LDLRAD2: variants seen among roughly 807,000 people sequenced by gnomAD.
The protein encoded by LDLRAD2 is low density lipoprotein receptor class A domain containing 2.
In LDLRAD2, 25 loss-of-function variants were observed where a neutral mutation model predicts 24.9. The observed-to-expected ratio is 1.00, with a 90% CI of 0.73 to 1.40. The LOEUF is 1.40. LDLRAD2 is among the 40% of genes most tolerant of loss of function. LDLRAD2 has a pLI of 0.00. For missense variants in LDLRAD2, 391 were observed against 366.2 expected (o/e 1.07, Z -0.55); for synonymous variants, 182 against 166.7 (o/e 1.09, Z -0.71).
rs1399527230 is a variant in LDLRAD2, at chr1:21,824,002, C to T, written c.*1787C>T. The T allele has an allele frequency of 9.4e-7, 1 of 1,061,988 alleles. No homozygotes were observed. The highest frequency in any genetic ancestry group is 1.6e-5 in the African/African-American group (1 of 63,734). 65.8% of individuals were successfully genotyped at this position (1,061,988 alleles called of 1,614,324 possible). A position where few individuals can be genotyped will look rare whatever the true frequency, so the allele number is the denominator to read the frequency against. ...CCTGGCTGGTGGGTTCTCCCCTCCC[C>T]TGGCTTCAAGTTCTGTCTCCACAGA... On this transcript the variant is annotated 3_prime_UTR_variant, in exon 5 of 5. Coordinates refer to ENST00000344642, the MANE Select transcript of LDLRAD2 (RefSeq NM_001013693.3). The surrounding 1 kb of genome is among the most constrained non-coding windows in gnomAD (Gnocchi z 5.9).
Position 21,822,300 on chromosome 1 carries a change from C to A in LDLRAD2, c.*85C>A. The A allele has an allele frequency of 7.1e-7, 1 of 1,415,994 alleles. No homozygotes were observed. Among genetic ancestry groups the A allele is most frequent in the South Asian group, 1.2e-5 (1 of 86,480 alleles). 87.7% of individuals were successfully genotyped at this position (1,415,994 alleles called of 1,614,324 possible). ...TCAAGACAAAGACCACAGGAGGGTC[C>A]CTTCTAGGACACAGAGGCCAGGCGT... On this transcript the variant is annotated 3_prime_UTR_variant, in exon 5 of 5. Transcript: ENST00000344642.
In LDLRAD2 at chr1:21,814,557, G is replaced by T. The variant is rs1345449019; in HGVS notation, c.245G>T (p.Arg82Leu). 6.2e-6 allele frequency: 10 copies of T among 1,612,286 alleles called. No individual in the cohort carries two copies. The highest frequency in any genetic ancestry group is 8.5e-6 in the Non-Finnish European group (10 of 1,179,548). The change falls in exon 2 of 5, where the codon CGC (arginine) becomes CTC (leucine). Residue 82 changes from arginine to leucine, a missense_variant. Coordinates refer to ENST00000344642, the MANE Select transcript of LDLRAD2 (RefSeq NM_001013693.3). ...APGDRIRFQF[R>L]FFLVYSLTPA... ...GGCGACCGGATCCGCTTCCAGTTCCGCTTCTTCCTGGTCTACAGCCTGACC... is the reference window on the plus strand; with the variant it reads ...GGCGACCGGATCCGCTTCCAGTTCCTCTTCTTCCTGGTCTACAGCCTGACC...
intron 3 of LDLRAD2, 49 bp from the exon 4 acceptor site, chr1:21,821,401 C>G (rs1334189382): frequency 6.2e-7 from 1 of 1,605,624 alleles, no homozygotes; most frequent in African/African-American, 1.3e-5. Context: ...ACACAAGTGT[C>G]CCAGAAAGGG....
intron 3 of LDLRAD2, among the ~76,000 whole-genome samples, chr1:21,818,263 T>C (rs7547375): frequency 0.73 from 110,032 of 150,214 alleles, 40,721 homozygotes; most frequent in East Asian, 0.89. Context: ...CCACCCGCCT[T>C]GGCCTCCCAA....
intron 3 of LDLRAD2, among the ~76,000 whole-genome samples, chr1:21,819,339 C>T (rs2097947668): frequency 6.6e-6 from 1 of 151,904 alleles, no homozygotes; most frequent in Non-Finnish European, 1.5e-5. Flanking sequence ...CACGGTTGCA[C>T]TCCAGCTTGA....
chr1:21,824,171 G>T lies in LDLRAD2; in HGVS notation c.*1956G>T. 1 of 1,613,750 alleles carries T rather than the reference G, an allele frequency of 6.2e-7. No individual in the cohort carries two copies. Among genetic ancestry groups the T allele is most frequent in the Non-Finnish European group, 8.5e-7 (1 of 1,180,030 alleles). On this transcript the variant is annotated 3_prime_UTR_variant, in exon 5 of 5. Transcript: ENST00000344642. The surrounding 1 kb of genome is among the most constrained non-coding windows in gnomAD (Gnocchi z 5.9). Reference sequence around the variant, plus strand: ...CGCCGTCATTGATGGGGTCCTCAGAGACCAGGCGGGCCTCCCCACTACCCA... The same window carrying T: ...CGCCGTCATTGATGGGGTCCTCAGATACCAGGCGGGCCTCCCCACTACCCA...
In LDLRAD2 at chr1:21,822,493, T is replaced by A; in HGVS notation, c.*278T>A. ...TCTTCCTGAGCACCAGCGGCATCCG[T>A]CCGTCCGTTGTCTGTTGGAGGAGTC... On this transcript the variant is annotated 3_prime_UTR_variant, in exon 5 of 5. Transcript: ENST00000344642. The A allele has an allele frequency of 2.6e-6, 1 of 391,430 alleles. No homozygotes were observed. The highest frequency in any genetic ancestry group is 5.2e-5 in the East Asian group (1 of 19,054). 24.2% of individuals were successfully genotyped at this position (391,430 alleles called of 1,614,324 possible). A position where few individuals can be genotyped will look rare whatever the true frequency, so the allele number is the denominator to read the frequency against.
At chr1:21,816,634 G>T (rs1232641320) in intron 3 of LDLRAD2, among the ~76,000 whole-genome samples, 1 of 152,050 alleles carries the variant, frequency 6.6e-6, no homozygotes, top group Non-Finnish European at 1.5e-5. Context: ...CCTTCCTGGG[G>T]ATCTAAAGAT....
chr1:21,819,773 C>G (rs1194491678), intron 3 of LDLRAD2, among the ~76,000 whole-genome samples: 1 of 152,012 alleles, frequency 6.6e-6, no homozygotes, highest in Non-Finnish European at 1.5e-5. Context: ...TCTCGCATTG[C>G]TATAAAAAAA....
At chr1:21,818,251 A>AT (rs1386072727) in intron 3 of LDLRAD2, among the ~76,000 whole-genome samples, 19 of 150,490 alleles carry the variant, frequency 1.3e-4, no homozygotes, top group Non-Finnish European at 2.5e-4. Context: ...ACCTCAAGTG[A>AT]TCCACCCGCC....
chr1:21,814,735 C>T lies in LDLRAD2; in HGVS notation c.423C>T (p.Ser141=). The change falls in exon 2 of 5, where the codon TCC becomes TCT. Residue 141 remains serine, a synonymous_variant. Coordinates refer to ENST00000344642, the MANE Select transcript of LDLRAD2 (RefSeq NM_001013693.3). ...CGLNIPVPVA[S]SGPFLGLRLV... ...TGAACATCCCGGTGCCTGTGGCATC[C>T]TCCGGACCCTTTCTAGGCCTGCGCC... is the stretch of plus-strand genomic sequence containing the variant. 6.5e-7 allele frequency: 1 copy of T among 1,548,706 alleles called. No homozygotes were observed. Among genetic ancestry groups the T allele is most frequent in the Non-Finnish European group, 8.7e-7 (1 of 1,149,430 alleles).
Position 21,823,637 on chromosome 1 carries a change from C to T in LDLRAD2, c.*1422C>T, listed in dbSNP as rs114015043. ...TTACCGATGTAGACGCTGCCCTTGGCGTTGACTGCCACGTTGGGACCTGGG... is the reference window on the plus strand; with the variant it reads ...TTACCGATGTAGACGCTGCCCTTGGTGTTGACTGCCACGTTGGGACCTGGG... On this transcript the variant is annotated 3_prime_UTR_variant, in exon 5 of 5. Transcript: ENST00000344642. 3.5e-3 allele frequency: 5,599 copies of T among 1,613,698 alleles called. 15 individuals carry two copies. The highest frequency in any genetic ancestry group is 4.4e-3 in the Non-Finnish European group (5,236 of 1,179,854).
rs773250058 is a variant in LDLRAD2, at chr1:21,823,566, T to C, written c.*1351T>C. ...AGGAAGGCTGGGCGAGCTCTAGCCC[T>C]AAGGGAGTGCCGTTCCTGCCCCTGC... On this transcript the variant is annotated 3_prime_UTR_variant, in exon 5 of 5. Transcript: ENST00000344642. 4.6e-5 allele frequency: 74 copies of C among 1,609,496 alleles called. No individual in the cohort carries two copies. In the South Asian group the frequency reaches 7.8e-4, roughly 17 times the overall value.
In LDLRAD2 at chr1:21,812,473, C is replaced by T. The variant is rs762427414; in HGVS notation, c.22C>T (p.Gln8Ter). 1.7e-5 allele frequency: 28 copies of T among 1,613,926 alleles called. No homozygotes were observed. The South Asian group carries it at 2.9e-4, about 16-fold the overall frequency. Residue 8 changes from glutamine to a stop codon, truncating the protein, a stop_gained, in exon 1 of 5, where the codon CAG (glutamine) becomes TAG (stop). Coordinates refer to ENST00000344642, the MANE Select transcript of LDLRAD2 (RefSeq NM_001013693.3). LOFTEE classifies it high-confidence loss of function. ...CTGGATGGAGGCTTGTTGTCTTCTG[C>T]AGTTGCCCCAAAGGTTGCTCTTGCT... MEACCLL[Q>*]LPQRLLLLGA... is the part of the protein sequence containing the mutation.
rs144217842 is a variant in LDLRAD2 at position 21,824,134 on chromosome 1, C to T, written c.*1919C>T. ...AGGGTCCCTTACCGCAGTGCTGTCACCCGGTGCCACTCGCCGTCATTGATG... is the reference window on the plus strand; with the variant it reads ...AGGGTCCCTTACCGCAGTGCTGTCATCCGGTGCCACTCGCCGTCATTGATG... On this transcript the variant is annotated 3_prime_UTR_variant, in exon 5 of 5. Transcript: ENST00000344642. The surrounding 1 kb of genome is among the most constrained non-coding windows in gnomAD (Gnocchi z 5.9). 6.8e-6 allele frequency: 11 copies of T among 1,613,320 alleles called. No homozygotes were observed. The South Asian group carries it at 1.1e-4, about 16-fold the overall frequency.
Position 21,823,880 on chromosome 1 carries a change from C to G in LDLRAD2, c.*1665C>G, listed in dbSNP as rs1160825774. 1.3e-6 allele frequency: 1 copy of G among 741,616 alleles called. No individual in the cohort carries two copies. Among genetic ancestry groups the G allele is most frequent in the South Asian group, 1.5e-5 (1 of 65,022 alleles). 45.9% of individuals were successfully genotyped at this position (741,616 alleles called of 1,614,324 possible). On this transcript the variant is annotated 3_prime_UTR_variant, in exon 5 of 5. Transcript: ENST00000344642. ...CCGCTGAACGAGAGATCGGGCCCCA[C>G]AAACACAGCTTCCTCATTTCTGCAC...
At position 21,814,809 on chromosome 1, in the gene LDLRAD2, C is replaced by T. The variant is rs1412538528; in HGVS notation, c.497C>T (p.Thr166Ile). ...CGCGTGGACTTCGTGGGCGAAGTCA[C>T]CTCTTTCCGTCTGGGTGAGCTGGGG... is the stretch of plus-strand genomic sequence containing the variant. ...QPRVDFVGEV[T>I]SFRLGPCGAY... Residue 166 changes from threonine to isoleucine, a missense_variant, in exon 2 of 5, where the codon ACC becomes ATC. Transcript: ENST00000344642. The T allele has an allele frequency of 6.8e-7, 1 of 1,476,616 alleles. No individual in the cohort carries two copies. Among genetic ancestry groups the T allele is most frequent in the Non-Finnish European group, 8.9e-7 (1 of 1,121,598 alleles). 91.5% of individuals were successfully genotyped at this position (1,476,616 alleles called of 1,614,324 possible).
At chr1:21,817,834 A>G (rs973681579) in intron 3 of LDLRAD2, among the ~76,000 whole-genome samples, 1 of 151,662 alleles carries the variant, frequency 6.6e-6, no homozygotes, top group African/African-American at 2.4e-5. Context: ...CTGTCCCGGG[A>G]TCCCACTCAG....
chr1:21,818,870 G>GC (rs1013019069), intron 3 of LDLRAD2, among the ~76,000 whole-genome samples: 6 of 49,508 alleles, frequency 1.2e-4, no homozygotes, highest in Admixed American at 7.8e-4. Context: ...TCCTGGCCCC[G>GC]CCCCCCGCCC....
Sources: gnomAD v4.1 joint callset for allele counts (sites outside exome capture counted in the v4.1 genomes callset) on GRCh38, gnomAD v4.1.1 for gene constraint, Gnocchi (gnomAD v3.1) non-coding constraint, MANE v1.5 for transcripts, NCBI Gene and HGNC (gene_info 2026-07-23, HGNC 2026-07-21) for gene names.